Variants in NME7 observed in about 807,000 individuals in gnomAD.
NME7 encodes the protein NME/NM23 family member 7.
NME7 carries 41 observed loss-of-function variants against 49.1 expected under a neutral mutation model. The observed-to-expected ratio is 0.83, with a 90% confidence interval of 0.65 to 1.08. The LOEUF is 1.08. NME7 is among the 50% of genes least tolerant of loss of function. The pLI is 0.00. For synonymous variants in NME7, 139 were observed against 150.6 expected, an observed-to-expected ratio of 0.92 and a Z score of 0.56; for missense variants, 423 against 463.4, an observed-to-expected ratio of 0.91 and a Z score of 0.80.
chr1:169,206,583 C>T (rs1433053624), intron 10 of NME7, among the ~76,000 whole-genome samples: 3 of 151,976 alleles, frequency 2.0e-5, no homozygotes, highest in Non-Finnish European at 4.4e-5. Context: ...AGTTAAGAAC[C>T]TCTTTTGGCA....
intron 11 of NME7, 50 bp from the exon 12 acceptor site, chr1:169,132,867 T>C (rs1658278465): frequency 1.3e-6 from 2 of 1,551,324 alleles, no homozygotes; most frequent in Non-Finnish European, 8.9e-7. Context: ...TTTTGGTCTT[T>C]TCCACTTAAC....
At chr1:169,310,204 G>A (rs79453021) in intron 3 of NME7, 124 bp from the exon 4 acceptor site, 17,326 of 627,148 alleles carry the variant, frequency 0.028, 346 homozygotes, top group South Asian at 0.044. Context: ...TAATTGTATA[G>A]AAAAGTGTAT....
At chr1:169,155,238 G>A (rs1161492551) in intron 11 of NME7, among the ~76,000 whole-genome samples, 2 of 152,222 alleles carry the variant, frequency 1.3e-5, no homozygotes, top group African/African-American at 4.8e-5. Context: ...ATAAGCATGT[G>A]TAACTTAGCC....
chr1:169,228,426 C>G (rs2101815861), intron 10 of NME7, among the ~76,000 whole-genome samples: 1 of 151,962 alleles, frequency 6.6e-6, no homozygotes, highest in East Asian at 1.9e-4. Flanking sequence ...GCCTGTAATC[C>G]CAGCACTTTG....
At chr1:169,311,861 A>G (rs1346878943) in intron 3 of NME7, among the ~76,000 whole-genome samples, 2 of 152,244 alleles carry the variant, frequency 1.3e-5, no homozygotes, top group African/African-American at 2.4e-5. Flanking sequence ...CAAAGGATTG[A>G]CTATGTGATA....
At chr1:169,358,846 T>G (rs890059004) in intron 1 of NME7, among the ~76,000 whole-genome samples, 1 of 152,050 alleles carries the variant, frequency 6.6e-6, no homozygotes, top group Admixed American at 6.6e-5. Context: ...ATTTTGGGAG[T>G]AGTCTGGCAA....
intron 10 of NME7, among the ~76,000 whole-genome samples, chr1:169,170,638 C>T (rs913705056): frequency 2.6e-5 from 4 of 152,104 alleles, no homozygotes; most frequent in African/African-American, 4.8e-5. Flanking sequence ...TACTCAGCTG[C>T]GCGTGGTGGC....
chr1:169,350,289 A>AAGGAAGGAAGGAAG (rs1343344770), intron 1 of NME7, among the ~76,000 whole-genome samples: 7 of 20,638 alleles, frequency 3.4e-4, no homozygotes, highest in East Asian at 2.8e-3. Context: ...AAGGAAGGAA[A>AAGGAAGGAAGGAAG]GAGCCCTGCT....
chr1:169,224,537 T>A (rs1477906760), intron 10 of NME7, among the ~76,000 whole-genome samples: 1 of 152,168 alleles, frequency 6.6e-6, no homozygotes. Context: ...TACACACATT[T>A]ATACATATAT....
chr1:169,177,079 G>A (rs1659775938), intron 10 of NME7, among the ~76,000 whole-genome samples: 1 of 152,030 alleles, frequency 6.6e-6, no homozygotes, highest in South Asian at 2.1e-4. Context: ...CAAAAGAATC[G>A]TTCCACATTC....
chr1:169,363,006 A>G (rs1653715065), intron 1 of NME7, among the ~76,000 whole-genome samples: 1 of 152,124 alleles, frequency 6.6e-6, no homozygotes, highest in African/African-American at 2.4e-5. Flanking sequence ...TTGAGAGGCC[A>G]AGGTGGGAGG....
chr1:169,246,564 C>T (rs867402372), intron 7 of NME7, among the ~76,000 whole-genome samples: 7 of 152,150 alleles, frequency 4.6e-5, no homozygotes, highest in South Asian at 4.1e-4. Flanking sequence ...ACAAGCTGTA[C>T]ATTCCTTACA....
chr1:169,170,904 C>T (rs560473666), intron 10 of NME7, among the ~76,000 whole-genome samples: 2 of 151,478 alleles, frequency 1.3e-5, no homozygotes, highest in Non-Finnish European at 2.9e-5. Flanking sequence ...CCAGCCTGGA[C>T]GACAGATCAG....
intron 11 of NME7, among the ~76,000 whole-genome samples, chr1:169,138,893 C>G (rs551654013): frequency 6.6e-6 from 1 of 152,184 alleles, no homozygotes; most frequent in East Asian, 1.9e-4. Context: ...AAATATTTAC[C>G]TTCTTTGCTA....
At chr1:169,294,869 G>A (rs12063056) in intron 6 of NME7, among the ~76,000 whole-genome samples, 9,455 of 152,168 alleles carry the variant, frequency 0.062, 386 homozygotes, top group East Asian at 0.12. Context: ...CAAATCTCAC[G>A]TTGAAATTTG....
At chr1:169,283,499 T>C (rs1650124527) in intron 7 of NME7, among the ~76,000 whole-genome samples, 1 of 152,200 alleles carries the variant, frequency 6.6e-6, no homozygotes, top group Non-Finnish European at 1.5e-5. Context: ...TGATGTTAGC[T>C]GGTTGTTTTG....
intron 10 of NME7, among the ~76,000 whole-genome samples, chr1:169,228,021 AATAT>A (rs1249786490): frequency 6.8e-6 from 1 of 147,278 alleles, no homozygotes; most frequent in Non-Finnish European, 1.5e-5. Flanking sequence ...GATAGAAAAA[AATAT>A]ATAATTATGT....
chr1:169,296,492 T>G (rs540202420), intron 6 of NME7, among the ~76,000 whole-genome samples: 1 of 152,192 alleles, frequency 6.6e-6, no homozygotes, highest in South Asian at 2.1e-4. Flanking sequence ...AGATGTAGCT[T>G]CATCTTTGGT....
rs1292985263 is a variant in NME7 at position 169,342,558 on chromosome 1, TAC to T, written c.4-18060_4-18059del. On this transcript the variant is annotated intron_variant, in intron 1 of 11. Coordinates refer to ENST00000367811, the MANE Select transcript of NME7 (RefSeq NM_013330.5). ...TACATATATATAGTATATATATATA[TAC>T]AAGTACATATATATAGTATATATAT... is the stretch of plus-strand genomic sequence containing the variant. Among the ~76,000 whole-genome samples the T allele has an allele frequency of 1.8e-5, 2 of 110,086 alleles. 1 individual carries two copies. Among genetic ancestry groups the T allele is most frequent in the Non-Finnish European group, 3.8e-5 (2 of 52,112 alleles). The allele number at this position is 110,086 out of a possible 152,430, so 72.2% of individuals were successfully genotyped here. A position where few individuals can be genotyped will look rare whatever the true frequency, so the allele number is the denominator to read the frequency against.
Sources: allele counts gnomAD v4.1 joint callset (sites outside exome capture counted in the v4.1 genomes callset), GRCh38; gene constraint gnomAD v4.1.1; transcripts MANE v1.5; gene names NCBI Gene and HGNC (gene_info 2026-07-23, HGNC 2026-07-21).